CNBD1: variants seen among roughly 807,000 people sequenced by gnomAD.
The protein encoded by CNBD1 is cyclic nucleotide binding domain containing 1, also known as cyclic nucleotide-binding domain-containing protein 1.
CNBD1 carries 71 observed loss-of-function variants against 54.4 expected under a neutral mutation model. That is an observed-to-expected ratio of 1.30 (90% CI 1.08 to 1.59). CNBD1 has a LOEUF of 1.59. CNBD1 is among the 40% of genes most tolerant of loss of function. CNBD1 has a pLI of 0.00. For synonymous variants in CNBD1, 182 were observed against 170.7 expected, an observed-to-expected ratio of 1.07 and a Z score of -0.51; for missense variants, 659 against 518.0, an observed-to-expected ratio of 1.27 and a Z score of -2.64.
intron 6 of CNBD1, among the ~76,000 whole-genome samples, chr8:87,270,193 T>C (rs1808334024): frequency 6.6e-6 from 1 of 151,992 alleles, no homozygotes; most frequent in Admixed American, 6.6e-5. Context: ...GAGAAAGCTT[T>C]TGATAAAATT....
intron 8 of CNBD1, among the ~76,000 whole-genome samples, chr8:87,299,733 T>A (rs551362085): frequency 6.6e-6 from 1 of 152,262 alleles, no homozygotes; most frequent in South Asian, 2.1e-4. Context: ...CCTGGGTGTA[T>A]GTTAGAAAAA....
intron 2 of CNBD1, among the ~76,000 whole-genome samples, chr8:87,395,644 G>A (rs1811395086): frequency 6.6e-6 from 1 of 151,746 alleles, no homozygotes; most frequent in Admixed American, 6.6e-5. Flanking sequence ...TAGAGGGGGT[G>A]GTATCACAGG....
chr8:87,419,010 A>G (rs914174106), intron 2 of CNBD1, among the ~76,000 whole-genome samples: 1 of 151,850 alleles, frequency 6.6e-6, no homozygotes, highest in African/African-American at 2.4e-5. Flanking sequence ...ATGAATGTTC[A>G]TAGCAGCATT....
intron 10 of CNBD1, among the ~76,000 whole-genome samples, chr8:87,360,911 A>T (rs1810512695): frequency 6.6e-6 from 1 of 151,904 alleles, no homozygotes; most frequent in Admixed American, 6.6e-5. Flanking sequence ...TTTACTGCAG[A>T]TATATCTGTT....
At chr8:87,025,855 T>A (rs1809632663) in intron 4 of CNBD1, among the ~76,000 whole-genome samples, 1 of 152,162 alleles carries the variant, frequency 6.6e-6, no homozygotes, top group South Asian at 2.1e-4. Context: ...ATTCTTGAAG[T>A]CAGCGAGACC....
chr8:87,310,365 A>G (rs1373618130), intron 8 of CNBD1, among the ~76,000 whole-genome samples: 2 of 152,086 alleles, frequency 1.3e-5, no homozygotes, highest in East Asian at 1.9e-4. Context: ...AAAAAAATGC[A>G]ATCCCATTTA....
At chr8:87,183,522 A>G (rs902087210) in intron 4 of CNBD1, among the ~76,000 whole-genome samples, 18 of 149,702 alleles carry the variant, frequency 1.2e-4, no homozygotes, top group Non-Finnish European at 1.9e-4. Flanking sequence ...TCTGAATTCT[A>G]TGTCTGTTGT....
chr8:86,955,528 A>G (rs1807741979), intron 4 of CNBD1, among the ~76,000 whole-genome samples: 1 of 152,190 alleles, frequency 6.6e-6, no homozygotes, highest in South Asian at 2.1e-4. Flanking sequence ...TGCCATTCTA[A>G]CTGATGTGAG....
intron 4 of CNBD1, among the ~76,000 whole-genome samples, chr8:87,037,272 AT>A (rs946445178): frequency 1.1e-4 from 16 of 151,864 alleles, no homozygotes; most frequent in East Asian, 1.9e-4. Context: ...AGCTTTTAGG[AT>A]TTTTTTTCTA....
At chr8:87,219,064 CA>C (rs984437913) in intron 5 of CNBD1, among the ~76,000 whole-genome samples, 2 of 151,716 alleles carry the variant, frequency 1.3e-5, no homozygotes, top group African/African-American at 4.8e-5. Context: ...TTAATGTAAA[CA>C]AAATATTTGA....
chr8:86,874,848 C>A (rs1808491013), intron 1 of CNBD1, among the ~76,000 whole-genome samples: 1 of 151,342 alleles, frequency 6.6e-6, no homozygotes, highest in Non-Finnish European at 1.5e-5. Context: ...TCCCTAAGAG[C>A]CCTGTTTTGT....
rs548074843 is a variant in CNBD1, at chr8:87,045,089, C to A, written c.431+105335C>A. On this transcript the variant is annotated intron_variant, in intron 4 of 10. Transcript: ENST00000518476. ...TTCCTGATGGAGAGGGGTGTTGTGT[C>A]GAGAACACCAGCTAGGGTTTCTTCT... is the stretch of plus-strand genomic sequence containing the variant. Among the ~76,000 whole-genome samples the A allele has an allele frequency of 2.0e-5, 3 of 152,096 alleles. No individual in the cohort carries two copies. In the East Asian group the frequency reaches 5.8e-4, roughly 29 times the overall value.
intron 8 of CNBD1, among the ~76,000 whole-genome samples, chr8:87,313,160 T>C (rs1401829316): frequency 6.6e-6 from 1 of 152,044 alleles, no homozygotes; most frequent in Admixed American, 6.6e-5. Flanking sequence ...TAAAGTGATA[T>C]TGAACTTGAA....
chr8:87,303,092 C>T (rs1430105323), intron 8 of CNBD1, among the ~76,000 whole-genome samples: 2 of 152,032 alleles, frequency 1.3e-5, no homozygotes, highest in Non-Finnish European at 2.9e-5. Flanking sequence ...ATGCTATCCC[C>T]ATCAAGCTAC....
At chr8:87,136,435 A>C (rs1303506387) in intron 4 of CNBD1, among the ~76,000 whole-genome samples, 1 of 146,944 alleles carries the variant, frequency 6.8e-6, no homozygotes, top group Non-Finnish European at 1.5e-5. Context: ...TTAGAAAGCT[A>C]TAATTCATTT....
At position 86,973,709 on chromosome 8, in the gene CNBD1, T is replaced by TAC. The variant is rs1808274637; in HGVS notation, c.431+33956_431+33957dup. Among the ~76,000 whole-genome samples the TAC allele has an allele frequency of 2.0e-5, 3 of 152,334 alleles. No homozygotes were observed. The South Asian group carries it at 6.2e-4, about 32-fold the overall frequency. On this transcript the variant is annotated intron_variant, in intron 4 of 10. Transcript: ENST00000518476. ...GCAAGTTGACACATTGCTTTTGTAC[T>TAC]ACCAGGTGGAATTCCACAGAGCTTA...
rs189659200 is a variant in CNBD1 at position 87,037,532 on chromosome 8, T to C, written c.431+97778T>C. On this transcript the variant is annotated intron_variant, in intron 4 of 10. Coordinates refer to ENST00000518476, the MANE Select transcript of CNBD1 (RefSeq NM_173538.3). ...TGATTTTTTCTTATATTTTCCAGTT[T>C]ATCCTTTTTTGGTTCTCCTTTTTAA... is the stretch of plus-strand genomic sequence containing the variant. Among the ~76,000 whole-genome samples, 380 of 152,266 alleles carry C rather than the reference T, an allele frequency of 2.5e-3. 4 individuals are homozygous for C. Among genetic ancestry groups the C allele is most frequent in the Non-Finnish European group, 4.3e-3 (295 of 68,002 alleles).
intron 4 of CNBD1, among the ~76,000 whole-genome samples, chr8:87,194,551 G>T (rs938245155): frequency 6.6e-6 from 1 of 152,124 alleles, no homozygotes; most frequent in Admixed American, 6.6e-5. Context: ...TTATATGCCT[G>T]ATTCTACAAT....
rs199706136 is a variant in CNBD1 at position 86,886,797 on chromosome 8, A to AT, written c.89-736dup. On this transcript the variant is annotated intron_variant, in intron 1 of 10. Transcript: ENST00000518476. ...TAATATGCCTAAGTGAGTATTTATT[A>AT]TTTTTTTTTACAACAGTTCTAATAG... Among the ~76,000 whole-genome samples the AT allele has an allele frequency of 2.0e-3, 304 of 151,524 alleles. 1 individual carries two copies. Among genetic ancestry groups the AT allele is most frequent in the African/African-American group, 6.4e-3 (265 of 41,372 alleles).
Sources: allele counts gnomAD v4.1 joint callset (sites outside exome capture counted in the v4.1 genomes callset), GRCh38; gene constraint gnomAD v4.1.1; transcripts MANE v1.5; gene names NCBI Gene and HGNC (gene_info 2026-07-23, HGNC 2026-07-21).